Variants in TSPAN1 observed in about 807,000 individuals in gnomAD.
TSPAN1 encodes the protein tetraspanin 1.
Under a neutral mutation model 26.9 loss-of-function variants are expected in TSPAN1, and 23 were observed. The observed-to-expected ratio is 0.85, with a 90% CI of 0.62 to 1.21. The LOEUF (loss-of-function observed/expected upper bound fraction) is 1.21, where lower values mean the gene tolerates loss of function less well. TSPAN1 is among the 50% of genes most tolerant of loss of function. TSPAN1 has a pLI of 0.00. For synonymous variants in TSPAN1, 115 were observed against 114.8 expected (o/e 1.00, Z -0.01); for missense variants, 283 against 298.4 (o/e 0.95, Z 0.38).
chr1:46,176,277 G>A (rs1657155881), intron 1 of TSPAN1: 2 of 1,535,624 alleles, frequency 1.3e-6, no homozygotes, highest in African/African-American at 2.7e-5. Context: ...GGGTGTTGTT[G>A]ATACCCATGG....
At chr1:46,192,156 T>C in the TSPAN1 span, 2 of 1,614,086 alleles carry the variant, frequency 1.2e-6, no homozygotes, top group Non-Finnish European at 1.7e-6. Context: ...TCGGGAAACG[T>C]CAGGGATGAT....
chr1:46,193,817 C>T, the TSPAN1 span: 1 of 1,612,616 alleles, frequency 6.2e-7, no homozygotes, highest in Non-Finnish European at 8.5e-7. Context: ...TAAGCACCCT[C>T]CTGTTCAGTG....
the TSPAN1 span, chr1:46,193,760 AT>A: frequency 6.3e-7 from 1 of 1,597,442 alleles, no homozygotes; most frequent in Middle Eastern, 1.7e-4. Context: ...TCTAGAATCT[AT>A]TGCCTTTCTG....
In TSPAN1 at chr1:46,184,659, C is replaced by T. The variant is rs943500778; in HGVS notation, c.330C>T (p.Tyr110=). The T allele has an allele frequency of 3.8e-5, 62 of 1,613,970 alleles. No homozygotes were observed. Among genetic ancestry groups the T allele is most frequent in the Non-Finnish European group, 5.1e-5 (60 of 1,180,028 alleles). Residue 110 remains tyrosine (Y), a synonymous_variant, in exon 5 of 9, where the codon TAC becomes TAT. Coordinates refer to ENST00000372003, the MANE Select transcript of TSPAN1 (RefSeq NM_005727.4). ...EVAAAVVALV[Y]TTMAEHFLTL... ...CAGCTGCTGTGGTCGCCTTGGTGTA[C>T]ACCACAATGGTGAGACACTGGGATG...
intron 3 of TSPAN1, 30 bp downstream of exon 3, chr1:46,181,194 GC>G (rs1557664680): frequency 6.2e-7 from 1 of 1,601,970 alleles, no homozygotes. Flanking sequence ...ACTCTTTGGG[GC>G]TCCCTATAGG....
intron 2 of TSPAN1, among the ~76,000 whole-genome samples, 183 bp downstream of exon 2, chr1:46,180,841 T>C (rs1657299399): frequency 6.6e-6 from 1 of 151,828 alleles, no homozygotes; most frequent in Non-Finnish European, 1.5e-5. Flanking sequence ...TCAGGCTGGG[T>C]GTGCAGGTGG....
intron 3 of TSPAN1, 97 bp from the exon 4 acceptor site, chr1:46,184,094 A>C: frequency 7.7e-7 from 1 of 1,306,728 alleles, no homozygotes; most frequent in Non-Finnish European, 1.1e-6. Flanking sequence ...GCCAATAAAG[A>C]GGGAAGTTTC....
At chr1:46,194,968 G>A in the TSPAN1 span, 17 of 1,613,570 alleles carry the variant, frequency 1.1e-5, no homozygotes, top group Admixed American at 1.0e-4. Context: ...CATCCTGGGG[G>A]ACCAGAGAAG....
At chr1:46,186,664 G>GTTT (rs759573351), downstream of TSPAN1, among the ~76,000 whole-genome samples, 131 of 71,792 alleles carry the variant, frequency 1.8e-3, 3 homozygotes, top group South Asian at 2.5e-3. Flanking sequence ...TAATTTTTGT[G>GTTT]TTTTTTTTTT....
chr1:46,188,816 C>T, downstream of TSPAN1: 1 of 1,612,876 alleles, frequency 6.2e-7, no homozygotes, highest in Non-Finnish European at 8.5e-7. Flanking sequence ...CATGTGGGCC[C>T]CAGCTGGGCC....
chr1:46,186,466 T>G (rs973038314), downstream of TSPAN1, among the ~76,000 whole-genome samples: 1 of 150,828 alleles, frequency 6.6e-6, no homozygotes, highest in Non-Finnish European at 1.5e-5. Context: ...TCTTCAGACC[T>G]CACCTCTTTT....
downstream of TSPAN1, chr1:46,188,977 A>G: frequency 6.2e-7 from 1 of 1,607,158 alleles, no homozygotes; most frequent in Non-Finnish European, 8.5e-7. Context: ...ATTCTGAGCC[A>G]GGCCTGGAAA....
rs910493813 is a variant in TSPAN1 at position 46,178,781 on chromosome 1, C to T, written c.-141-1745C>T. Among the ~76,000 whole-genome samples, 3 of 152,182 alleles carry T rather than the reference C, an allele frequency of 2.0e-5. No individual in the cohort carries two copies. In the East Asian group the frequency reaches 5.8e-4, roughly 29 times the overall value. ...CAGACTAACTGGGATTGAATCCTGG[C>T]TCTGCCACTTACAGGCTTTGTGATC... On this transcript the variant is annotated intron_variant, in intron 1 of 8. Coordinates refer to ENST00000372003, the MANE Select transcript of TSPAN1 (RefSeq NM_005727.4).
chr1:46,184,063 G>T, intron 3 of TSPAN1, 128 bp from the exon 4 acceptor site: 1 of 967,376 alleles, frequency 1.0e-6, no homozygotes, highest in Non-Finnish European at 1.6e-6. Context: ...CTCCTTACAG[G>T]ATGAGGTTTT....
At chr1:46,187,033 C>G (rs1657448992), downstream of TSPAN1, among the ~76,000 whole-genome samples, 4 of 152,166 alleles carry the variant, frequency 2.6e-5, no homozygotes. Flanking sequence ...GTCTCGAACT[C>G]CTGACCTCAG....
chr1:46,194,028 G>C, the TSPAN1 span: 205 of 1,569,716 alleles, frequency 1.3e-4, no homozygotes, highest in Non-Finnish European at 1.7e-4. Flanking sequence ...GACTGGAGTA[G>C]ACAGGGAAGG....
intron 1 of TSPAN1, among the ~76,000 whole-genome samples, chr1:46,179,391 C>T (rs1386329454): frequency 6.6e-6 from 1 of 152,044 alleles, no homozygotes; most frequent in Non-Finnish European, 1.5e-5. Flanking sequence ...GACCTTCTTG[C>T]TCTGTGCTCA....
chr1:46,190,820 C>T, downstream of TSPAN1: 1 of 1,563,148 alleles, frequency 6.4e-7, no homozygotes, highest in Non-Finnish European at 8.8e-7. Context: ...CAGCACCTCA[C>T]ATTGTCTGGC....
downstream of TSPAN1, chr1:46,188,783 G>A (rs1177045853): frequency 6.2e-7 from 1 of 1,612,918 alleles, no homozygotes; most frequent in East Asian, 2.2e-5. Flanking sequence ...GTGTCTAAGG[G>A]TCTCTGAGTG....
Sources: allele counts gnomAD v4.1 joint callset (sites outside exome capture counted in the v4.1 genomes callset), GRCh38; gene constraint gnomAD v4.1.1; transcripts MANE v1.5; gene names NCBI Gene and HGNC (gene_info 2026-07-23, HGNC 2026-07-21).